ATXN1: variants seen among roughly 807,000 people sequenced by gnomAD.
ATXN1 encodes ataxin-1.
In ATXN1, 8 loss-of-function variants were observed where a neutral mutation model predicts 56.4. That is an observed-to-expected ratio of 0.14 (90% CI 0.08 to 0.26). ATXN1 has a LOEUF of 0.26. Ranked by LOEUF, ATXN1 falls within the 10% of genes least tolerant of loss-of-function variation. The pLI is 1.00. For synonymous variants in ATXN1, 514 were observed against 494.6 expected (o/e 1.04, Z -0.52); for missense variants, 987 against 1,106.5 (o/e 0.89, Z 1.53).
chr6:16,760,847 G>T lies in ATXN1; in HGVS notation c.-730+451C>A, dbSNP rs1339568765. On this transcript the variant is annotated intron_variant, in intron 1 of 7. Coordinates refer to ENST00000436367, the MANE Select transcript of ATXN1 (RefSeq NM_001128164.2). The surrounding 1 kb of genome is among the most constrained non-coding windows in gnomAD (Gnocchi z 5.3). Reference sequence around the variant, plus strand: ...GCCTCCCCCCTGCGCCACCCGGAGGGAGGAGGACATGGCTCTCCGCACTTG... The same window carrying T: ...GCCTCCCCCCTGCGCCACCCGGAGGTAGGAGGACATGGCTCTCCGCACTTG... 6.6e-6 allele frequency among the ~76,000 whole-genome samples: 1 copy of T among 150,658 alleles called. No homozygotes were observed. Among genetic ancestry groups the T allele is most frequent in the African/African-American group, 2.4e-5 (1 of 41,244 alleles).
At chr6:16,588,020 C>G (rs1216863057) in intron 3 of ATXN1, among the ~76,000 whole-genome samples, 1 of 151,190 alleles carries the variant, frequency 6.6e-6, no homozygotes, top group Admixed American at 6.6e-5. Context: ...TCATCCTCAT[C>G]TATCCCCTAA....
chr6:16,545,565 C>T (rs1040350566), intron 4 of ATXN1, among the ~76,000 whole-genome samples: 2 of 152,120 alleles, frequency 1.3e-5, no homozygotes, highest in African/African-American at 2.4e-5. Context: ...AACCTATTTG[C>T]CTACTAGAAC....
intron 4 of ATXN1, among the ~76,000 whole-genome samples, chr6:16,566,067 T>C (rs1394276099): frequency 3.3e-5 from 5 of 152,122 alleles, no homozygotes. Context: ...AAAGGATTTT[T>C]CAGGATACTG....
intron 6 of ATXN1, among the ~76,000 whole-genome samples, chr6:16,451,735 A>T (rs1382978471): frequency 6.6e-6 from 1 of 152,080 alleles, no homozygotes; most frequent in African/African-American, 2.4e-5. Flanking sequence ...AGCGTGGGCA[A>T]CAAGAGCAAA....
chr6:16,397,934 T>C (rs939896787), intron 6 of ATXN1, among the ~76,000 whole-genome samples: 2 of 152,230 alleles, frequency 1.3e-5, no homozygotes, highest in Non-Finnish European at 2.9e-5. Flanking sequence ...TGAGTTTCAT[T>C]GTCCCTGTTT....
At chr6:16,541,468 A>G (rs1344913618) in intron 4 of ATXN1, among the ~76,000 whole-genome samples, 1 of 152,116 alleles carries the variant, frequency 6.6e-6, no homozygotes, top group Non-Finnish European at 1.5e-5. Context: ...CCGAGGGCTG[A>G]TCACTGGAAA....
chr6:16,385,799 C>T (rs1179064076), intron 6 of ATXN1, among the ~76,000 whole-genome samples: 1 of 152,178 alleles, frequency 6.6e-6, no homozygotes, highest in Non-Finnish European at 1.5e-5. Flanking sequence ...TACTACTTTG[C>T]CTTTGTGAAA....
chr6:16,731,675 T>TC (rs1165341546), intron 2 of ATXN1, among the ~76,000 whole-genome samples: 1 of 151,960 alleles, frequency 6.6e-6, no homozygotes, highest in Non-Finnish European at 1.5e-5. Flanking sequence ...TGGGCATTTT[T>TC]CCCCATGATA....
chr6:16,748,489 T>C (rs1219542061), intron 2 of ATXN1, among the ~76,000 whole-genome samples: 2 of 152,192 alleles, frequency 1.3e-5, no homozygotes, highest in East Asian at 1.9e-4. Flanking sequence ...CTGGGAAACC[T>C]TGGGGAAATT....
intron 3 of ATXN1, chr6:16,615,794 G>A (rs1419003205): frequency 1.3e-5 from 2 of 151,792 alleles, no homozygotes; most frequent in Admixed American, 1.3e-4. Context: ...AGCACTTTGG[G>A]AGGCTGAGCG....
intron 4 of ATXN1, among the ~76,000 whole-genome samples, chr6:16,557,686 C>T (rs1292848401): frequency 2.0e-5 from 3 of 152,150 alleles, no homozygotes; most frequent in African/African-American, 7.2e-5. Flanking sequence ...GAAAAGAGGT[C>T]GATCCAAATG....
chr6:16,713,882 G>A (rs944194514), intron 2 of ATXN1, among the ~76,000 whole-genome samples: 3 of 152,212 alleles, frequency 2.0e-5, no homozygotes, highest in Non-Finnish European at 4.4e-5. Flanking sequence ...CCCTGGCCGC[G>A]CGTAGTAACT....
intron 2 of ATXN1, among the ~76,000 whole-genome samples, chr6:16,724,011 C>A (rs1412486377): frequency 6.6e-6 from 1 of 152,148 alleles, no homozygotes; most frequent in Non-Finnish European, 1.5e-5. Flanking sequence ...ATGATGACTT[C>A]ACGTTCAAAA....
intron 7 of ATXN1, among the ~76,000 whole-genome samples, chr6:16,316,486 C>A (rs1277549431): frequency 6.6e-6 from 1 of 152,180 alleles, no homozygotes; most frequent in East Asian, 1.9e-4. Flanking sequence ...GTGGCTCACA[C>A]CTGTAATCCC....
chr6:16,467,737 C>T (rs995827130), intron 6 of ATXN1, among the ~76,000 whole-genome samples: 11 of 152,150 alleles, frequency 7.2e-5, no homozygotes, highest in Non-Finnish European at 1.0e-4. Flanking sequence ...GCCTTCAATC[C>T]TATTGCATTA....
At chr6:16,653,213 C>G (rs1758108928) in intron 3 of ATXN1, among the ~76,000 whole-genome samples, 1 of 152,172 alleles carries the variant, frequency 6.6e-6, no homozygotes, top group Admixed American at 6.5e-5. Context: ...GCAGCAACGC[C>G]CTGCAAATCT....
In ATXN1 at chr6:16,522,550, T is replaced by C. The variant is rs576522998; in HGVS notation, c.-299+77A>G. Reference sequence around the variant, plus strand: ...AGAGAGTGCATGCTGTCACACACTTTTTCTTGGTGCATCATAGTAATTGGA... The same window carrying C: ...AGAGAGTGCATGCTGTCACACACTTCTTCTTGGTGCATCATAGTAATTGGA... On this transcript the variant is annotated intron_variant, in intron 5 of 7. Transcript: ENST00000436367. The C allele has an allele frequency of 1.7e-4, 26 of 152,222 alleles. 1 individual carries two copies. The highest frequency in any genetic ancestry group is 3.4e-3 in the Middle Eastern group (1 of 294). 9.4% of individuals were successfully genotyped at this position (152,222 alleles called of 1,614,324 possible).
intron 3 of ATXN1, among the ~76,000 whole-genome samples, chr6:16,603,396 G>A (rs1292246148): frequency 1.3e-5 from 2 of 152,042 alleles, no homozygotes; most frequent in African/African-American, 2.4e-5. Flanking sequence ...CCCTTTCCAG[G>A]CTCCATACTC....
rs555891640 is a variant in ATXN1, at chr6:16,571,928, G to A, written c.-361+13852C>T. 2.0e-5 allele frequency among the ~76,000 whole-genome samples: 3 copies of A among 152,302 alleles called. No homozygotes were observed. The South Asian group carries it at 6.2e-4, about 32-fold the overall frequency. On this transcript the variant is annotated intron_variant, in intron 4 of 7. Transcript: ENST00000436367. ...TCCTTCCACCTCAGCCCCCCAAAGT[G>A]CTGGGATTGCAGGGGTGAGCCATCA...
Sources: gnomAD v4.1 joint callset for allele counts (sites outside exome capture counted in the v4.1 genomes callset) on GRCh38, gnomAD v4.1.1 for gene constraint, Gnocchi (gnomAD v3.1) non-coding constraint, MANE v1.5 for transcripts, NCBI Gene and HGNC (gene_info 2026-07-23, HGNC 2026-07-21) for gene names.